MEGF11: variants seen among roughly 807,000 people sequenced by gnomAD.
MEGF11 encodes multiple epidermal growth factor-like domains protein 11.
In MEGF11, 126 loss-of-function variants were observed where a neutral mutation model predicts 146.6. The ratio of observed to expected loss-of-function variants is 0.86; its 90% CI spans 0.74 to 1.00. The LOEUF (loss-of-function observed/expected upper bound fraction) is 1.00. Ranked by LOEUF, MEGF11 falls within the 50% of genes least tolerant of loss-of-function variation. The pLI, the probability that MEGF11 is intolerant of heterozygous loss-of-function variation, is 0.00. For missense variants in MEGF11, 1,509 were observed against 1,521.2 expected, an observed-to-expected ratio of 0.99 and a Z score of 0.13; for synonymous variants, 532 against 583.4, an observed-to-expected ratio of 0.91 and a Z score of 1.27.
intron 1 of MEGF11, among the ~76,000 whole-genome samples, chr15:66,169,225 C>T (rs778689867): frequency 6.6e-5 from 10 of 152,228 alleles, no homozygotes; most frequent in South Asian, 2.1e-4. Context: ...AATACACATT[C>T]GCTGAAGGAT....
intron 5 of MEGF11, among the ~76,000 whole-genome samples, chr15:66,070,341 C>T (rs2085313757): frequency 6.6e-6 from 1 of 152,216 alleles, no homozygotes; most frequent in Non-Finnish European, 1.5e-5. Context: ...GCACACCTGA[C>T]CTGGGCATTA....
At chr15:66,178,549 G>C (rs1441203681) in intron 1 of MEGF11, among the ~76,000 whole-genome samples, 2 of 152,234 alleles carry the variant, frequency 1.3e-5, no homozygotes, top group Admixed American at 1.3e-4. Flanking sequence ...CCCTGAATGT[G>C]GCATGCACAG....
At chr15:66,097,573 C>T (rs1341134001) in intron 4 of MEGF11, among the ~76,000 whole-genome samples, 1 of 152,116 alleles carries the variant, frequency 6.6e-6, no homozygotes, top group Non-Finnish European at 1.5e-5. Context: ...CATCTGCTGT[C>T]GTGGACAGGG....
At chr15:66,023,152 A>AAC (rs1567206497) in intron 5 of MEGF11, among the ~76,000 whole-genome samples, 1 of 143,048 alleles carries the variant, frequency 7.0e-6, no homozygotes, top group African/African-American at 2.6e-5. Flanking sequence ...AAAAAAAAAA[A>AAC]AAACAAACTT....
chr15:65,938,493 T>C (rs1310907227), intron 10 of MEGF11, among the ~76,000 whole-genome samples: 1 of 152,184 alleles, frequency 6.6e-6, no homozygotes, highest in Non-Finnish European at 1.5e-5. Flanking sequence ...GCTCTGACCC[T>C]TTCTTAGCAC....
At chr15:65,984,921 A>G (rs915207158) in intron 5 of MEGF11, among the ~76,000 whole-genome samples, 2 of 152,046 alleles carry the variant, frequency 1.3e-5, no homozygotes, top group Non-Finnish European at 2.9e-5. Flanking sequence ...GGCGCCTGCC[A>G]CCACGCCTGG....
At chr15:65,912,785 C>G (rs2078857157) in intron 20 of MEGF11, among the ~76,000 whole-genome samples, 1 of 152,346 alleles carries the variant, frequency 6.6e-6, no homozygotes, top group East Asian at 1.9e-4. Flanking sequence ...GCATGGTGTG[C>G]ACTGGCCTGC....
At chr15:66,125,065 T>G (rs957777383) in intron 2 of MEGF11, among the ~76,000 whole-genome samples, 1 of 152,174 alleles carries the variant, frequency 6.6e-6, no homozygotes, top group Non-Finnish European at 1.5e-5. Flanking sequence ...GCAGGCCAGC[T>G]CCCCAAGTGG....
intron 1 of MEGF11, among the ~76,000 whole-genome samples, chr15:66,184,530 A>C (rs2090641462): frequency 2.7e-5 from 4 of 150,214 alleles, no homozygotes; most frequent in South Asian, 2.1e-4. Flanking sequence ...GCTACCTCAC[A>C]CCTCCTCACT....
chr15:66,089,421 T>C (rs938909261), intron 5 of MEGF11, among the ~76,000 whole-genome samples: 13 of 152,146 alleles, frequency 8.5e-5, no homozygotes, highest in Non-Finnish European at 1.9e-4. Flanking sequence ...TGGAAAATAA[T>C]GGGAAACGGA....
intron 10 of MEGF11, among the ~76,000 whole-genome samples, chr15:65,944,356 G>A (rs2080113862): frequency 6.6e-6 from 1 of 152,222 alleles, no homozygotes; most frequent in South Asian, 2.1e-4. Flanking sequence ...AGACTGGAGG[G>A]TGCACCAGCA....
chr15:65,950,377 G>C (rs1198805072), intron 10 of MEGF11, among the ~76,000 whole-genome samples: 1 of 152,134 alleles, frequency 6.6e-6, no homozygotes, highest in East Asian at 1.9e-4. Context: ...GAGAGGCCAG[G>C]AATTCGAGAC....
intron 1 of MEGF11, among the ~76,000 whole-genome samples, chr15:66,230,243 T>A (rs1018913611): frequency 1.1e-4 from 16 of 152,268 alleles, no homozygotes; most frequent in Admixed American, 5.9e-4. Context: ...TTCCCTGAAT[T>A]ACTCTAGAAT....
chr15:65,936,134 G>A (rs2079778000), intron 10 of MEGF11, among the ~76,000 whole-genome samples: 1 of 152,178 alleles, frequency 6.6e-6, no homozygotes, highest in Non-Finnish European at 1.5e-5. Context: ...GTATACATCT[G>A]TGTGTTTCTG....
At chr15:65,944,788 G>C (rs75004873) in intron 10 of MEGF11, among the ~76,000 whole-genome samples, 9,447 of 151,908 alleles carry the variant, frequency 0.062, 424 homozygotes, top group Non-Finnish European at 0.092. Flanking sequence ...CACTGGAGAG[G>C]CTTTTACTAG....
chr15:66,131,483 C>G (rs1391048108), intron 1 of MEGF11, among the ~76,000 whole-genome samples: 10 of 152,168 alleles, frequency 6.6e-5, no homozygotes. Context: ...AAGGTGGAGG[C>G]TAGAGAAAGG....
chr15:66,213,843 G>A (rs1318259818), intron 1 of MEGF11, among the ~76,000 whole-genome samples: 14 of 152,028 alleles, frequency 9.2e-5, no homozygotes, highest in Admixed American at 8.5e-4. Flanking sequence ...CACCCTGCCA[G>A]GAGCTAAGCT....
chr15:66,236,425 G>C (rs540980687), intron 1 of MEGF11, among the ~76,000 whole-genome samples: 1 of 152,170 alleles, frequency 6.6e-6, no homozygotes, highest in African/African-American at 2.4e-5. Context: ...ATGTGGACTG[G>C]GGAGGGAAAA....
At chr15:66,128,517 C>T in intron 1 of MEGF11, 106 bp from the exon 2 acceptor site, 1 of 550,812 alleles carries the variant, frequency 1.8e-6, no homozygotes. Context: ...TTTCACATTG[C>T]AGGCTTTGAC....
Sources: allele counts gnomAD v4.1 joint callset (sites outside exome capture counted in the v4.1 genomes callset), GRCh38; gene constraint gnomAD v4.1.1; transcripts MANE v1.5; gene names NCBI Gene and HGNC (gene_info 2026-07-23, HGNC 2026-07-21).